Variants in TDP1 observed in about 807,000 individuals in gnomAD.
TDP1 encodes tyr-DNA phosphodiesterase 1.
TDP1 carries 64 observed loss-of-function variants against 81.5 expected under a neutral mutation model. That is an observed-to-expected ratio of 0.79 (90% confidence interval 0.64 to 0.97). The LOEUF (loss-of-function observed/expected upper bound fraction) is 0.97. Among genes scored for constraint, TDP1 ranks in the 50% least tolerant of loss-of-function variants. TDP1 has a pLI of 0.00. For missense variants in TDP1, 723 were observed against 743.8 expected, an observed-to-expected ratio of 0.97 and a Z score of 0.33; for synonymous variants, 256 against 264.3, an observed-to-expected ratio of 0.97 and a Z score of 0.30.
At chr14:89,955,369 A>C (rs1027833101), upstream of TDP1, 8 of 152,352 alleles carry the variant, frequency 5.3e-5, no homozygotes, top group African/African-American at 1.9e-4. Flanking sequence ...CATAAACAGC[A>C]CCGAGCCCAA....
intron 6 of TDP1, among the ~76,000 whole-genome samples, chr14:89,973,255 G>A (rs931930007): frequency 6.6e-6 from 1 of 152,224 alleles, no homozygotes; most frequent in African/African-American, 2.4e-5. Context: ...ACTGCAGTAG[G>A]ATAGCTCCCA....
chr14:89,993,749 T>C (rs1460174453), intron 14 of TDP1, among the ~76,000 whole-genome samples: 1 of 152,202 alleles, frequency 6.6e-6, no homozygotes, highest in African/African-American at 2.4e-5. Flanking sequence ...AATACCTCAA[T>C]AGGGGTTATG....
At chr14:89,974,600 A>G (rs1317485856) in intron 6 of TDP1, among the ~76,000 whole-genome samples, 1 of 152,114 alleles carries the variant, frequency 6.6e-6, no homozygotes. Flanking sequence ...TAGTGGGGAG[A>G]GGTTGCAGTA....
At chr14:89,981,815 A>G (rs1566869219) in intron 8 of TDP1, among the ~76,000 whole-genome samples, 1 of 152,072 alleles carries the variant, frequency 6.6e-6, no homozygotes, top group Non-Finnish European at 1.5e-5. Flanking sequence ...CCTTCTGGGT[A>G]ACTGGGACTG....
intron 15 of TDP1, among the ~76,000 whole-genome samples, chr14:90,031,875 C>A (rs766979580): frequency 6.6e-6 from 1 of 152,188 alleles, no homozygotes; most frequent in Non-Finnish European, 1.5e-5. Flanking sequence ...CCACTGATCA[C>A]CCGCTCCTGC....
intron 14 of TDP1, among the ~76,000 whole-genome samples, chr14:89,998,410 A>G (rs1326215505): frequency 1.1e-4 from 12 of 105,846 alleles, no homozygotes; most frequent in African/African-American, 4.2e-4. Flanking sequence ...ATATATATAT[A>G]TATATATATA....
intron 7 of TDP1, among the ~76,000 whole-genome samples, chr14:89,979,282 T>G (rs1894706119): frequency 6.6e-6 from 1 of 152,090 alleles, no homozygotes. Flanking sequence ...GTAATAGGAA[T>G]GTACAGGTGA....
In TDP1 at chr14:89,963,513, C is replaced by T. The variant is rs373648175; in HGVS notation, c.399C>T (p.Pro133=). The T allele has an allele frequency of 3.6e-5, 57 of 1,603,438 alleles. No individual in the cohort carries two copies. The East Asian group carries it at 5.1e-4, about 14-fold the overall frequency. ...AAAGAACTGAAAATCATGGCGCTCCCGCCTGCCACAGGCTCAAAGAGGAGG... is the reference window on the plus strand; with the variant it reads ...AAAGAACTGAAAATCATGGCGCTCCTGCCTGCCACAGGCTCAAAGAGGAGG... ...TAQRTENHGA[P]ACHRLKEEED... Residue 133 remains proline (P), a synonymous_variant, in exon 3 of 17, where the codon CCC becomes CCT. Coordinates refer to ENST00000335725, the MANE Select transcript of TDP1 (RefSeq NM_018319.4).
chr14:89,977,358 C>T (rs34277635), intron 7 of TDP1, among the ~76,000 whole-genome samples: 8,541 of 152,072 alleles, frequency 0.056, 516 homozygotes, highest in African/African-American at 0.15. Flanking sequence ...AGTACAATGG[C>T]GCAATCTCAG....
chr14:89,974,238 A>G (rs1894000902), intron 6 of TDP1, among the ~76,000 whole-genome samples: 2 of 152,350 alleles, frequency 1.3e-5, no homozygotes, highest in African/African-American at 4.8e-5. Flanking sequence ...AACAGCACCC[A>G]GTAAACAATA....
rs113426288 is a variant in TDP1, at chr14:89,979,461, G to C, written c.792-1079G>C. 6.0e-3 allele frequency among the ~76,000 whole-genome samples: 906 copies of C among 151,950 alleles called. 6 individuals are homozygous for C. Among genetic ancestry groups the C allele is most frequent in the African/African-American group, 0.021 (869 of 41,460 alleles). On this transcript the variant is annotated intron_variant, in intron 7 of 16. Transcript: ENST00000335725. ...AGTAGCTGTGATTACAGGTGCCCACGACCACACCTAGCTAATTTTTATATT... is the reference window on the plus strand; with the variant it reads ...AGTAGCTGTGATTACAGGTGCCCACCACCACACCTAGCTAATTTTTATATT...
chr14:90,012,517 G>C (rs911575593), intron 14 of TDP1, among the ~76,000 whole-genome samples: 21 of 151,952 alleles, frequency 1.4e-4, no homozygotes, highest in African/African-American at 3.9e-4. Flanking sequence ...GGACATCCAG[G>C]CGTTTCTATA....
chr14:89,968,160 C>CTTT (rs61587248), intron 5 of TDP1, among the ~76,000 whole-genome samples: 10 of 127,816 alleles, frequency 7.8e-5, no homozygotes, highest in African/African-American at 2.4e-4. Context: ...GCACTTGGGG[C>CTTT]TTTTTTTTTT....
At chr14:90,039,992 G>A (rs747335986) in intron 16 of TDP1, among the ~76,000 whole-genome samples, 79 of 152,244 alleles carry the variant, frequency 5.2e-4, no homozygotes, top group African/African-American at 1.7e-3. Flanking sequence ...CTACCTCCCC[G>A]TGGAGAGCTA....
intron 16 of TDP1, among the ~76,000 whole-genome samples, chr14:90,041,256 T>C (rs1464139066): frequency 3.3e-5 from 5 of 152,206 alleles, no homozygotes; most frequent in Non-Finnish European, 7.4e-5. Flanking sequence ...ATGAGTGCAA[T>C]GGGGAGTCAG....
chr14:90,019,592 AC>A (rs1885728943), intron 15 of TDP1, among the ~76,000 whole-genome samples, 174 bp downstream of exon 15: 1 of 152,140 alleles, frequency 6.6e-6, no homozygotes, highest in Non-Finnish European at 1.5e-5. Flanking sequence ...CTGAACACTC[AC>A]CAGTCTGGGT....
intron 10 of TDP1, among the ~76,000 whole-genome samples, chr14:89,987,786 G>A (rs1895734401): frequency 1.3e-5 from 2 of 152,138 alleles, no homozygotes; most frequent in Admixed American, 1.3e-4. Flanking sequence ...GTAAAGGAAA[G>A]GTAAAAGGTT....
intron 3 of TDP1, among the ~76,000 whole-genome samples, chr14:89,964,291 A>T (rs1328893596): frequency 6.6e-6 from 1 of 152,236 alleles, no homozygotes; most frequent in East Asian, 1.9e-4. Context: ...TGCTCTCCTT[A>T]TTCCTCAGGG....
rs34746049 is a variant in TDP1 at position 89,985,520 on chromosome 14, A to T, written c.1131+310A>T. On this transcript the variant is annotated intron_variant, in intron 10 of 16. Coordinates refer to ENST00000335725, the MANE Select transcript of TDP1 (RefSeq NM_018319.4). ...TGATTATAGCTTTTGATTGTTCAGC[A>T]TATCAAGTTTTAAGATATAAATTCA... 2.4e-3 allele frequency among the ~76,000 whole-genome samples: 367 copies of T among 152,310 alleles called. 1 individual carries two copies. The highest frequency in any genetic ancestry group is 8.1e-3 in the African/African-American group (337 of 41,558).
Sources: allele counts gnomAD v4.1 joint callset (sites outside exome capture counted in the v4.1 genomes callset), GRCh38; gene constraint gnomAD v4.1.1; transcripts MANE v1.5; gene names NCBI Gene and HGNC (gene_info 2026-07-23, HGNC 2026-07-21).